Variants in CTPS2 observed in about 807,000 individuals in gnomAD.
The protein encoded by CTPS2 is CTP synthase 2, also known as CTP synthase II.
CTPS2 carries 19 observed loss-of-function variants against 46.8 expected under a neutral mutation model. The observed-to-expected ratio is 0.41, with a 90% confidence interval of 0.28 to 0.60. CTPS2 has a LOEUF of 0.60. CTPS2 is among the 20% of genes least tolerant of loss of function. CTPS2 has a pLI of 0.35. For synonymous variants in CTPS2, 151 were observed against 165.2 expected, an observed-to-expected ratio of 0.91 and a Z score of 0.66; for missense variants, 286 against 447.6, an observed-to-expected ratio of 0.64 and a Z score of 3.26.
rs759906480 is a variant in CTPS2, at chrX:16,694,078, C to T, written c.439-591G>A. On this transcript the variant is annotated intron_variant, in intron 4 of 18. Transcript: ENST00000359276. ...ACTCGGGAGGCTGAGGCAGGAGAAT[C>T]GCTTGAACCCAGGAGGCAGAGGTTG... Among the ~76,000 whole-genome samples, 4 of 111,419 alleles carry T rather than the reference C, an allele frequency of 3.6e-5. No individual in the cohort carries two copies. The East Asian group carries it at 8.6e-4, about 24-fold the overall frequency.
intron 14 of CTPS2, among the ~76,000 whole-genome samples, chrX:16,634,898 G>A (rs1306016118): frequency 9.3e-6 from 1 of 107,773 alleles, no homozygotes; most frequent in African/African-American, 3.4e-5. Flanking sequence ...GCAGTGAGCC[G>A]AGATGGTGTC....
chrX:16,629,644 A>G (rs1487076020), intron 14 of CTPS2, among the ~76,000 whole-genome samples: 1 of 111,468 alleles, frequency 9.0e-6, no homozygotes, highest in Non-Finnish European at 1.9e-5. Context: ...TCACACCAGG[A>G]GCCAGAAGCT....
intron 13 of CTPS2, among the ~76,000 whole-genome samples, chrX:16,640,901 C>T (rs1932047274): frequency 9.0e-6 from 1 of 111,708 alleles, no homozygotes; most frequent in Admixed American, 9.6e-5. Flanking sequence ...CAGAACTTTC[C>T]GAGCCATCTG....
chrX:16,602,792 A>G (rs73448228), intron 17 of CTPS2, among the ~76,000 whole-genome samples: 2,857 of 112,254 alleles, frequency 0.025, 101 homozygotes, highest in African/African-American at 0.087. Flanking sequence ...CAGAGATGAC[A>G]TCTACATTTT....
intron 13 of CTPS2, chrX:16,651,211 C>A: frequency 1.0e-6 from 1 of 998,798 alleles, no homozygotes; most frequent in Non-Finnish European, 1.4e-6. Flanking sequence ...GGGGAGAGGA[C>A]TCCGGTAGAG....
intron 17 of CTPS2, among the ~76,000 whole-genome samples, chrX:16,600,078 T>C (rs1385488831): frequency 1.8e-5 from 2 of 112,405 alleles, no homozygotes; most frequent in Admixed American, 9.4e-5. Context: ...CCAGCCAACA[T>C]GTGGCTCTTG....
In CTPS2 at chrX:16,674,654, C is replaced by T. The variant is rs1485235881; in HGVS notation, c.1094+3708G>A. The stretch of plus-strand genomic sequence containing the variant: ...GAGATCGAGACCATCCTGGCTAACA[C>T]GGTGAAACCCCGTCTCTACTAAAAA... On this transcript the variant is annotated intron_variant, in intron 10 of 18. Transcript: ENST00000359276. Among the ~76,000 whole-genome samples the T allele has an allele frequency of 7.3e-4, 76 of 103,604 alleles. No homozygotes were observed. The East Asian group carries it at 8.1e-3, about 11-fold the overall frequency. The allele number at this position is 103,604 out of a possible 115,157, so 90.0% of individuals were successfully genotyped here.
At chrX:16,687,843 G>C (rs1923361080) in intron 8 of CTPS2, among the ~76,000 whole-genome samples, 1 of 111,640 alleles carries the variant, frequency 9.0e-6, no homozygotes, top group Non-Finnish European at 1.9e-5. Context: ...ACCAACATCA[G>C]CAACCGATAC....
At chrX:16,658,634 G>C (rs1472717663) in intron 13 of CTPS2, among the ~76,000 whole-genome samples, 1 of 112,446 alleles carries the variant, frequency 8.9e-6, no homozygotes, top group Admixed American at 9.4e-5. Flanking sequence ...TTCCCAAAAG[G>C]TTGTATGGAT....
chrX:16,616,157 C>T (rs1182244737), intron 16 of CTPS2, among the ~76,000 whole-genome samples: 1 of 112,144 alleles, frequency 8.9e-6, no homozygotes, highest in African/African-American at 3.2e-5. Context: ...TGACCATGAG[C>T]TTACCATGTC....
At chrX:16,598,298 G>A (rs1929410706) in intron 17 of CTPS2, among the ~76,000 whole-genome samples, 1 of 110,797 alleles carries the variant, frequency 9.0e-6, no homozygotes, top group African/African-American at 3.3e-5. Context: ...CAACAAAATT[G>A]ATAGACCACT....
At chrX:16,617,347 C>G in intron 15 of CTPS2, 101 bp from the exon 16 acceptor site, 2 of 501,491 alleles carry the variant, frequency 4.0e-6, no homozygotes, top group Non-Finnish European at 6.8e-6. Context: ...CAGTGATCCT[C>G]TAACTAGTAG....
In CTPS2 at chrX:16,667,566, TAAGAA is replaced by T. The variant is rs1480749167; in HGVS notation, c.1253-14_1253-10del. ...CTCTGTGGAATCAGCATCTGAAGAT[TAAGAA>T]AAGAGTTCAGTAATTCACCAATAGT... On this transcript the variant is annotated splice_polypyrimidine_tract_variant and intron_variant, in intron 12 of 18. Transcript: ENST00000359276. The T allele has an allele frequency of 1.7e-6, 2 of 1,209,855 alleles. No individual in the cohort carries two copies. Among genetic ancestry groups the T allele is most frequent in the Non-Finnish European group, 1.1e-6 (1 of 893,896 alleles).
chrX:16,649,504 T>C (rs757774375), intron 13 of CTPS2, among the ~76,000 whole-genome samples: 21 of 112,345 alleles, frequency 1.9e-4, no homozygotes, highest in African/African-American at 6.5e-4. Flanking sequence ...CATTTTTTCT[T>C]TTTTACAGAC....
chrX:16,647,181 T>G (rs1422356710), intron 13 of CTPS2, among the ~76,000 whole-genome samples: 1 of 110,031 alleles, frequency 9.1e-6, no homozygotes, highest in South Asian at 3.9e-4. Context: ...CCGCACAGGC[T>G]GTTTTTCAAG....
At chrX:16,709,861 A>AC (rs375855625) in intron 1 of CTPS2, among the ~76,000 whole-genome samples, 11 of 107,318 alleles carry the variant, frequency 1.0e-4, no homozygotes, top group Non-Finnish European at 1.7e-4. Flanking sequence ...AAAAAAAAAA[A>AC]AAAAAAAAAA....
intron 1 of CTPS2, chrX:16,711,738 G>C (rs753223715): frequency 9.0e-6 from 1 of 111,505 alleles, no homozygotes; most frequent in African/African-American, 3.3e-5. Context: ...ACATTTTGTT[G>C]TATATAAACC....
At chrX:16,612,073 G>T (rs1225818389) in intron 16 of CTPS2, among the ~76,000 whole-genome samples, 1 of 111,784 alleles carries the variant, frequency 8.9e-6, no homozygotes, top group Admixed American at 9.5e-5. Flanking sequence ...TGAATGAATG[G>T]ATCATTGCTC....
chrX:16,693,354 T>C lies in CTPS2; in HGVS notation c.555+17A>G. The C allele has an allele frequency of 8.8e-7, 1 of 1,130,413 alleles. No individual in the cohort carries two copies. Among genetic ancestry groups the C allele is most frequent in the Non-Finnish European group, 1.2e-6 (1 of 821,779 alleles). The allele number at this position is 1,130,413 out of a possible 1,213,427, so 93.2% of individuals were successfully genotyped here. A position where few individuals can be genotyped will look rare whatever the true frequency, so the allele number is the denominator to read the frequency against. On this transcript the variant is annotated intron_variant, in intron 5 of 18. Coordinates refer to ENST00000359276, the MANE Select transcript of CTPS2 (RefSeq NM_175859.3). ...CTTATCAAAGTTGCTGTCCACATACTTATCTGGAAAGCCCACCTGTGGGAC... is the reference window on the plus strand; with the variant it reads ...CTTATCAAAGTTGCTGTCCACATACCTATCTGGAAAGCCCACCTGTGGGAC...
Sources: allele counts gnomAD v4.1 joint callset (sites outside exome capture counted in the v4.1 genomes callset), GRCh38; gene constraint gnomAD v4.1.1; transcripts MANE v1.5; gene names NCBI Gene and HGNC (gene_info 2026-07-23, HGNC 2026-07-21).